LHFPL4: variants seen among roughly 807,000 people sequenced by gnomAD.
LHFPL4 encodes the protein LHFPL tetraspan subfamily member 4, also known as LHFPL tetraspan subfamily member 4 protein.
In LHFPL4, 6 loss-of-function variants were observed where a neutral mutation model predicts 20.0. The ratio of observed to expected loss-of-function variants is 0.30; its 90% CI spans 0.16 to 0.59. The LOEUF (loss-of-function observed/expected upper bound fraction) is 0.59, where lower values mean the gene tolerates loss of function less well. Among genes scored for constraint, LHFPL4 ranks in the 20% least tolerant of loss-of-function variants. LHFPL4 has a pLI of 0.88. For synonymous variants in LHFPL4, 129 were observed against 143.8 expected (o/e 0.90, Z 0.74); for missense variants, 215 against 331.2 (o/e 0.65, Z 2.72).
At chr3:9,536,213 T>C (rs2046443425) in intron 2 of LHFPL4, among the ~76,000 whole-genome samples, 1 of 152,206 alleles carries the variant, frequency 6.6e-6, no homozygotes, top group African/African-American at 2.4e-5. Context: ...GGGTTGGAGA[T>C]GCCTGTCCAC....
At chr3:9,509,633 A>C (rs59971123) in intron 2 of LHFPL4, among the ~76,000 whole-genome samples, 3,187 of 152,298 alleles carry the variant, frequency 0.021, 114 homozygotes, top group African/African-American at 0.072. Context: ...TGCCACCCAC[A>C]ATAACAGGGG....
At chr3:9,514,024 G>A (rs1165722396) in intron 2 of LHFPL4, among the ~76,000 whole-genome samples, 1 of 152,210 alleles carries the variant, frequency 6.6e-6, no homozygotes, top group Non-Finnish European at 1.5e-5. Flanking sequence ...CCAAAAACAT[G>A]TCTACTAAGA....
intron 2 of LHFPL4, among the ~76,000 whole-genome samples, chr3:9,548,556 T>C (rs374965064): frequency 3.3e-5 from 5 of 152,290 alleles, no homozygotes; most frequent in African/African-American, 1.2e-4. Flanking sequence ...CAAGCCTCGC[T>C]TCCCAACTAA....
chr3:9,518,899 G>A (rs377204734), intron 2 of LHFPL4, among the ~76,000 whole-genome samples: 122 of 149,616 alleles, frequency 8.2e-4, no homozygotes, highest in South Asian at 3.0e-3. Flanking sequence ...GATTACAGGC[G>A]TGCACCACCA....
intron 2 of LHFPL4, among the ~76,000 whole-genome samples, chr3:9,509,250 T>C (rs57312374): frequency 0.13 from 16,474 of 123,412 alleles, 2,010 homozygotes; most frequent in East Asian, 0.36. Flanking sequence ...CACCCCCCTC[T>C]CTCTCTCTCT....
At chr3:9,537,148 C>G (rs1193654944) in intron 2 of LHFPL4, among the ~76,000 whole-genome samples, 2 of 152,132 alleles carry the variant, frequency 1.3e-5, no homozygotes, top group East Asian at 1.9e-4. Context: ...AGAATAAAAT[C>G]CTGCCAACAG....
intron 2 of LHFPL4, among the ~76,000 whole-genome samples, chr3:9,535,922 C>T (rs1016707237): frequency 6.6e-6 from 1 of 152,210 alleles, no homozygotes; most frequent in African/African-American, 2.4e-5. Flanking sequence ...CTGCCTCAGC[C>T]TCCTGAATAG....
chr3:9,533,607 C>A (rs1430596337), intron 2 of LHFPL4, among the ~76,000 whole-genome samples: 7 of 152,106 alleles, frequency 4.6e-5, no homozygotes, highest in Non-Finnish European at 1.0e-4. Context: ...ATGATGAAAC[C>A]CCGTCTCTAC....
intron 2 of LHFPL4, among the ~76,000 whole-genome samples, chr3:9,549,293 G>T (rs1405495050): frequency 6.6e-6 from 1 of 152,192 alleles, no homozygotes; most frequent in Non-Finnish European, 1.5e-5. Context: ...TAAGCATAGG[G>T]ATGGTTATAG....
chr3:9,528,900 C>T (rs532576731), intron 2 of LHFPL4, among the ~76,000 whole-genome samples: 1 of 150,570 alleles, frequency 6.6e-6, no homozygotes, highest in Non-Finnish European at 1.5e-5. Context: ...CAGGCATAAG[C>T]CACTGCACCC....
At chr3:9,533,992 T>C (rs569238846) in intron 2 of LHFPL4, among the ~76,000 whole-genome samples, 2 of 151,740 alleles carry the variant, frequency 1.3e-5, no homozygotes, top group South Asian at 2.1e-4. Context: ...GGCAGGTGGA[T>C]TGCTGGAGTC....
intron 2 of LHFPL4, among the ~76,000 whole-genome samples, chr3:9,507,527 C>T (rs978155443): frequency 3.9e-5 from 6 of 152,192 alleles, no homozygotes; most frequent in African/African-American, 1.2e-4. Flanking sequence ...GTTATCAAAA[C>T]CAGTCATAAT....
At chr3:9,524,963 G>A (rs984101265) in intron 2 of LHFPL4, among the ~76,000 whole-genome samples, 1 of 152,174 alleles carries the variant, frequency 6.6e-6, no homozygotes, top group Admixed American at 6.5e-5. Context: ...GCCCTGGACT[G>A]TTAATTTCAC....
chr3:9,543,459 C>G (rs1312343514), intron 2 of LHFPL4, among the ~76,000 whole-genome samples: 1 of 151,580 alleles, frequency 6.6e-6, no homozygotes. Context: ...GAGATCGCAC[C>G]ACTGCACTCC....
chr3:9,541,553 C>T (rs893470380), intron 2 of LHFPL4, among the ~76,000 whole-genome samples: 8 of 152,062 alleles, frequency 5.3e-5, no homozygotes, highest in Non-Finnish European at 1.2e-4. Context: ...GGGTGGATCA[C>T]ATGAGGTCAG....
intron 2 of LHFPL4, among the ~76,000 whole-genome samples, chr3:9,509,806 G>A (rs1208350013): frequency 2.0e-5 from 3 of 152,198 alleles, no homozygotes; most frequent in East Asian, 1.9e-4. Flanking sequence ...GACCAGTAGA[G>A]ATAGCCTAGG....
At chr3:9,541,205 G>A (rs190084871) in intron 2 of LHFPL4, among the ~76,000 whole-genome samples, 1 of 152,106 alleles carries the variant, frequency 6.6e-6, no homozygotes, top group East Asian at 2.0e-4. Flanking sequence ...GCCTCCCAAA[G>A]TGCTGGGGTT....
At chr3:9,551,375 A>G (rs1295454587) in intron 2 of LHFPL4, among the ~76,000 whole-genome samples, 2 of 151,052 alleles carry the variant, frequency 1.3e-5, no homozygotes, top group African/African-American at 2.4e-5. Flanking sequence ...CCCCAGTCCA[A>G]CTCTCTTCCC....
chr3:9,519,716 G>A (rs1559517670), intron 2 of LHFPL4, among the ~76,000 whole-genome samples: 1 of 151,894 alleles, frequency 6.6e-6, no homozygotes, highest in East Asian at 1.9e-4. Flanking sequence ...GTGCCACCAT[G>A]CCTGGCTAAT....
Sources: allele counts gnomAD v4.1 joint callset (sites outside exome capture counted in the v4.1 genomes callset), GRCh38; gene constraint gnomAD v4.1.1; transcripts MANE v1.5; gene names NCBI Gene and HGNC (gene_info 2026-07-23, HGNC 2026-07-21).